Variants in CUL4A observed in about 807,000 individuals in gnomAD.
CUL4A encodes cullin 4A.
Under a neutral mutation model 95.5 loss-of-function variants are expected in CUL4A, and 16 were observed. That is an observed-to-expected ratio of 0.17 (90% CI 0.11 to 0.25). CUL4A has a LOEUF of 0.25. Among genes scored for constraint, CUL4A ranks in the 10% least tolerant of loss-of-function variants. CUL4A has a pLI of 1.00. For missense variants in CUL4A, 610 were observed against 937.0 expected (o/e 0.65, Z 4.56); for synonymous variants, 380 against 353.1 (o/e 1.08, Z -0.85).
At chr13:113,230,766 T>TATG (rs1207559829) in intron 5 of CUL4A, among the ~76,000 whole-genome samples, 1 of 142,858 alleles carries the variant, frequency 7.0e-6, no homozygotes. Flanking sequence ...CAAAAATTAT[T>TATG]ATTATTATTA....
Position 113,264,447 on chromosome 13 carries a change from C to A in CUL4A, c.*865C>A, listed in dbSNP as rs936528250. 1 of 152,058 alleles carries A rather than the reference C, an allele frequency of 6.6e-6. No homozygotes were observed. 9.4% of individuals were successfully genotyped at this position (152,058 alleles called of 1,614,324 possible). A position where few individuals can be genotyped will look rare whatever the true frequency, so the allele number is the denominator to read the frequency against. ...GTCATGCGCAGGGACGATCCTTGTT[C>A]TCTGCTGTAAACTGTAAAAAGTTTA... is the stretch of plus-strand genomic sequence containing the variant. On this transcript the variant is annotated 3_prime_UTR_variant, in exon 20 of 20. Transcript: ENST00000375440.
intron 2 of CUL4A, among the ~76,000 whole-genome samples, chr13:113,210,304 T>C (rs981107528): frequency 2.6e-5 from 4 of 152,238 alleles, no homozygotes; most frequent in African/African-American, 9.6e-5. Flanking sequence ...CTTAGAACCA[T>C]ATTTAAAGTT....
chr13:113,230,645 G>C (rs1455861597), intron 5 of CUL4A, among the ~76,000 whole-genome samples: 5 of 152,326 alleles, frequency 3.3e-5, no homozygotes, highest in African/African-American at 1.2e-4. Context: ...TTAATCCCTA[G>C]AGCAGCTCTG....
At chr13:113,262,644 A>G (rs1165817124) in intron 19 of CUL4A, among the ~76,000 whole-genome samples, 2 of 152,206 alleles carry the variant, frequency 1.3e-5, no homozygotes, top group Non-Finnish European at 2.9e-5. Flanking sequence ...ATGAGACCCC[A>G]TCTCAAAATA....
At chr13:113,227,822 T>C (rs781346994) in intron 3 of CUL4A, among the ~76,000 whole-genome samples, 154 bp from the exon 4 acceptor site, 7 of 151,952 alleles carry the variant, frequency 4.6e-5, no homozygotes, top group Admixed American at 2.6e-4. Context: ...GGAGAATCGC[T>C]TGAACCTGGG....
intron 15 of CUL4A, among the ~76,000 whole-genome samples, chr13:113,247,604 C>G (rs2041889107): frequency 6.6e-6 from 1 of 152,118 alleles, no homozygotes; most frequent in South Asian, 2.1e-4. Context: ...AGTTCTCATT[C>G]CAGGAGAACT....
intron 3 of CUL4A, among the ~76,000 whole-genome samples, chr13:113,220,108 TCTG>T (rs1176160932): frequency 6.6e-6 from 1 of 152,208 alleles, no homozygotes; most frequent in Non-Finnish European, 1.5e-5. Context: ...CAAGGAAACT[TCTG>T]CTCCCCCATC....
At chr13:113,223,692 C>T (rs545939569) in intron 3 of CUL4A, among the ~76,000 whole-genome samples, 17 of 152,296 alleles carry the variant, frequency 1.1e-4, no homozygotes, top group Admixed American at 7.8e-4. Context: ...CCACCATGCC[C>T]GGCCAGATTT....
At chr13:113,225,808 C>A (rs1299494935) in intron 3 of CUL4A, among the ~76,000 whole-genome samples, 1 of 152,190 alleles carries the variant, frequency 6.6e-6, no homozygotes, top group Non-Finnish European at 1.5e-5. Context: ...TTTGTCCAGA[C>A]TGTTTCTGTA....
At chr13:113,252,749 C>T (rs1037510562) in intron 15 of CUL4A, among the ~76,000 whole-genome samples, 2 of 152,178 alleles carry the variant, frequency 1.3e-5, no homozygotes, top group African/African-American at 4.8e-5. Context: ...GGCTGAGACA[C>T]AGGATCTGGC....
chr13:113,233,206 ATAT>A lies in CUL4A; in HGVS notation c.548_550del (p.Ile183del), dbSNP rs766947441. The stretch of plus-strand genomic sequence containing the variant: ...ATGGGATTAGAACTGTTTAGAACCC[ATAT>A]TATTAGTGATAAAATGGTTCAGAGT... On this transcript the variant is annotated inframe_deletion, in exon 6 of 20. Coordinates refer to ENST00000375440, the MANE Select transcript of CUL4A (RefSeq NM_001008895.4). The A allele has an allele frequency of 1.9e-6, 3 of 1,614,020 alleles. No homozygotes were observed. The highest frequency in any genetic ancestry group is 3.3e-5 in the Admixed American group (2 of 60,010).
intron 11 of CUL4A, among the ~76,000 whole-genome samples, chr13:113,243,475 A>G (rs1007905155): frequency 2.0e-5 from 3 of 152,228 alleles, no homozygotes; most frequent in African/African-American, 7.2e-5. Flanking sequence ...ATATTAAAAT[A>G]GGATAAAACC....
chr13:113,244,713 C>T (rs897299261), intron 12 of CUL4A, among the ~76,000 whole-genome samples, 199 bp downstream of exon 12: 85 of 152,184 alleles, frequency 5.6e-4, no homozygotes, highest in Middle Eastern at 6.8e-3. Context: ...TGGTGGCAGG[C>T]GCCTGTAGTC....
chr13:113,223,567 T>A (rs2040984410), intron 3 of CUL4A, among the ~76,000 whole-genome samples: 1 of 152,146 alleles, frequency 6.6e-6, no homozygotes, highest in Non-Finnish European at 1.5e-5. Context: ...CTGGCTAATT[T>A]TGTATTTTTA....
intron 15 of CUL4A, among the ~76,000 whole-genome samples, chr13:113,246,577 A>G (rs2041863616): frequency 2.6e-5 from 4 of 152,192 alleles, no homozygotes. Flanking sequence ...CCAGCCTGCA[A>G]TCATGGAAGA....
Position 113,244,405 on chromosome 13 carries a change from C to CAA in CUL4A, c.1229-4_1229-3insAA. ...AGAGTATTTACTATATGTTTATGCT[C>CAA]ACAGCAAAGCATGTGGATTCAAAGT... On this transcript the variant is annotated splice_region_variant and splice_polypyrimidine_tract_variant and intron_variant, in intron 11 of 19. Coordinates refer to ENST00000375440, the MANE Select transcript of CUL4A (RefSeq NM_001008895.4). 1 of 1,608,034 alleles carries CAA rather than the reference C, an allele frequency of 6.2e-7. No individual in the cohort carries two copies. The highest frequency in any genetic ancestry group is 1.1e-5 in the South Asian group (1 of 90,222).
rs1475824528 is a variant in CUL4A at position 113,218,959 on chromosome 13, C to G, written c.279C>G (p.Leu93=). ...LEELYQAVEN[L]CSHKVSPMLY... ...TTTGTTTGCAGGCTGTGGAAAATCT[C>G]TGTTCTCACAAAGTCTCCCCAATGC... is the stretch of plus-strand genomic sequence containing the variant. Residue 93 remains leucine, a synonymous_variant, in exon 3 of 20, where the codon CTC becomes CTG. Transcript: ENST00000375440. 2 of 1,612,700 alleles carry G rather than the reference C, an allele frequency of 1.2e-6. No individual in the cohort carries two copies. Among genetic ancestry groups the G allele is most frequent in the South Asian group, 1.1e-5 (1 of 90,740 alleles).
At chr13:113,233,140 A>G (rs1352118867) in intron 5 of CUL4A, 37 bp from the exon 6 acceptor site, 2 of 1,589,810 alleles carry the variant, frequency 1.3e-6, no homozygotes, top group Admixed American at 1.7e-5. Flanking sequence ...TAAAAAGCGA[A>G]ACTAAAATGT....
At chr13:113,228,677 G>A (rs866609090) in intron 4 of CUL4A, among the ~76,000 whole-genome samples, 1 of 152,002 alleles carries the variant, frequency 6.6e-6, no homozygotes, top group African/African-American at 2.4e-5. Flanking sequence ...CACAGGACAG[G>A]ACCAGGGATC....
Sources: gnomAD v4.1 joint callset for allele counts (sites outside exome capture counted in the v4.1 genomes callset) on GRCh38, gnomAD v4.1.1 for gene constraint, MANE v1.5 for transcripts, NCBI Gene and HGNC (gene_info 2026-07-23, HGNC 2026-07-21) for gene names.